The following ARID5B variants were observed in gnomAD, a reference collection of about 807,000 sequenced individuals.
ARID5B encodes AT-rich interactive domain-containing protein 5B.
In ARID5B, 13 loss-of-function variants were observed where a neutral mutation model predicts 97.2. The ratio of observed to expected loss-of-function variants is 0.13; its 90% CI spans 0.09 to 0.21. The LOEUF (loss-of-function observed/expected upper bound fraction) is 0.21, where lower values mean the gene tolerates loss of function less well. Ranked by LOEUF, ARID5B falls within the 10% of genes least tolerant of loss-of-function variation. ARID5B has a pLI of 1.00. For synonymous variants in ARID5B, 556 were observed against 570.3 expected (o/e 0.97, Z 0.36); for missense variants, 1,210 against 1,465.3 (o/e 0.83, Z 2.84).
chr10:62,086,705 A>AC (rs10651949), intron 9 of ARID5B, among the ~76,000 whole-genome samples: 20,076 of 141,674 alleles, frequency 0.14, 2,517 homozygotes, highest in African/African-American at 0.21. Context: ...AAAAAAAAAA[A>AC]AAAAAAATAT....
Position 62,092,418 on chromosome 10 carries a change from T to C in ARID5B, c.2955T>C (p.Asn985=), listed in dbSNP as rs1300679671. 1.9e-6 allele frequency: 3 copies of C among 1,614,034 alleles called. No homozygotes were observed. In the Admixed American group the frequency reaches 5.0e-5, roughly 27 times the overall value. The change falls in exon 10 of 10, where the codon AAT becomes AAC. Residue 985 remains asparagine (N), a synonymous_variant. Coordinates refer to ENST00000279873, the MANE Select transcript of ARID5B (RefSeq NM_032199.3). ...AACCTCACCATGTGAGACTGGAGAA[T>C]TTCAGGAAGATGGAAGGCATGGTCC... The part of the protein sequence containing the change: ...SGKPHHVRLE[N]FRKMEGMVHP...
At chr10:62,020,736 G>A (rs1439723593) in intron 4 of ARID5B, among the ~76,000 whole-genome samples, 2 of 152,004 alleles carry the variant, frequency 1.3e-5, no homozygotes, top group African/African-American at 2.4e-5. Context: ...CATTTCACAA[G>A]CCAACGCCAG....
intron 1 of ARID5B, 82 bp downstream of exon 1, chr10:61,901,812 C>A: frequency 1.8e-6 from 2 of 1,129,216 alleles, no homozygotes; most frequent in Non-Finnish European, 2.6e-6. Context: ...CCTCTGCACC[C>A]ACCCACACCC....
At chr10:62,069,013 C>A (rs932427084) in intron 7 of ARID5B, among the ~76,000 whole-genome samples, 2 of 152,074 alleles carry the variant, frequency 1.3e-5, no homozygotes, top group African/African-American at 4.8e-5. Flanking sequence ...TGATCAATAT[C>A]CCATTTTCTT....
At chr10:61,928,345 G>A (rs1169277093) in intron 2 of ARID5B, among the ~76,000 whole-genome samples, 1 of 152,098 alleles carries the variant, frequency 6.6e-6, no homozygotes, top group Non-Finnish European at 1.5e-5. Flanking sequence ...CTGTCACCTA[G>A]GCTGGAGTGC....
chr10:61,952,079 C>T (rs547661747), intron 3 of ARID5B, among the ~76,000 whole-genome samples: 3 of 152,240 alleles, frequency 2.0e-5, no homozygotes, highest in East Asian at 1.9e-4. Flanking sequence ...GCACACAGAA[C>T]GTTAAGACAC....
At chr10:62,039,215 G>A (rs1270677596) in intron 4 of ARID5B, among the ~76,000 whole-genome samples, 1 of 152,200 alleles carries the variant, frequency 6.6e-6, no homozygotes, top group East Asian at 1.9e-4. Context: ...CATACCAGAG[G>A]TGTGCAGATT....
chr10:61,904,783 T>C (rs1258837842), intron 2 of ARID5B, among the ~76,000 whole-genome samples: 1 of 152,256 alleles, frequency 6.6e-6, no homozygotes, highest in Non-Finnish European at 1.5e-5. Flanking sequence ...ATTGAGATAA[T>C]GACACGCCTC....
intron 2 of ARID5B, among the ~76,000 whole-genome samples, chr10:61,936,624 T>G (rs996388396): frequency 1.1e-4 from 16 of 152,084 alleles, no homozygotes; most frequent in African/African-American, 3.9e-4. Flanking sequence ...CTCAAATAAA[T>G]AAATTAATTT....
chr10:61,983,747 GAA>G, intron 3 of ARID5B, among the ~76,000 whole-genome samples: 1 of 128,064 alleles, frequency 7.8e-6, no homozygotes, highest in East Asian at 2.2e-4. Flanking sequence ...CCAAGTGCCA[GAA>G]AAAAAAAAAA....
chr10:61,907,220 C>T (rs1843722200), intron 2 of ARID5B, among the ~76,000 whole-genome samples: 1 of 143,052 alleles, frequency 7.0e-6, no homozygotes, highest in Non-Finnish European at 1.6e-5. Context: ...AAACTGTCAA[C>T]TGGATCAGCA....
intron 3 of ARID5B, among the ~76,000 whole-genome samples, chr10:61,962,399 C>T (rs1838484060): frequency 6.6e-6 from 1 of 152,208 alleles, no homozygotes; most frequent in African/African-American, 2.4e-5. Flanking sequence ...TTAGAAACAG[C>T]CTCATCATCC....
intron 4 of ARID5B, among the ~76,000 whole-genome samples, chr10:62,011,577 C>T (rs984467248): frequency 4.6e-5 from 7 of 152,272 alleles, no homozygotes; most frequent in East Asian, 3.9e-4. Context: ...AGTTTGGCCC[C>T]GCCACTCCCA....
At chr10:61,911,486 A>G (rs931132652) in intron 2 of ARID5B, among the ~76,000 whole-genome samples, 3 of 152,210 alleles carry the variant, frequency 2.0e-5, no homozygotes, top group African/African-American at 4.8e-5. Context: ...TGGTGGTAAC[A>G]TTTGCATTAG....
chr10:61,902,349 C>G lies in ARID5B; in HGVS notation c.212C>G (p.Ser71Cys). 6.2e-7 allele frequency: 1 copy of G among 1,614,134 alleles called. No individual in the cohort carries two copies. The change falls in exon 2 of 10, where the codon TCC becomes TGC. Residue 71 changes from serine to cysteine, a missense_variant. This residue lies in a region of ARID5B where 80 missense variants were observed against 133.2 expected (regional missense o/e 0.60). Coordinates refer to ENST00000279873, the MANE Select transcript of ARID5B (RefSeq NM_032199.3). ...WEERTSRQLL[S>C]SSKLYFLPED... The stretch of plus-strand genomic sequence containing the variant: ...GAGAGGACCAGCCGGCAACTTTTAT[C>G]CAGCTCTAAACTTTATTTCCTCCCA...
intron 4 of ARID5B, among the ~76,000 whole-genome samples, chr10:62,006,802 C>T (rs1263411303): frequency 2.6e-5 from 4 of 152,038 alleles, no homozygotes; most frequent in Admixed American, 6.6e-5. Flanking sequence ...GGCTAAGATT[C>T]GAGGATTTCT....
intron 2 of ARID5B, among the ~76,000 whole-genome samples, chr10:61,932,416 T>TC (rs1417088627): frequency 6.7e-6 from 1 of 149,618 alleles, no homozygotes; most frequent in Non-Finnish European, 1.5e-5. Context: ...TCTTTTTCTT[T>TC]TTTTTTTTTT....
At chr10:62,001,487 G>A (rs1269927218) in intron 4 of ARID5B, among the ~76,000 whole-genome samples, 2 of 152,150 alleles carry the variant, frequency 1.3e-5, no homozygotes, top group African/African-American at 4.8e-5. Flanking sequence ...CCAGATTCAG[G>A]TTACTCTGCT....
chr10:62,053,378 G>A (rs753060103), intron 5 of ARID5B, among the ~76,000 whole-genome samples: 3 of 152,142 alleles, frequency 2.0e-5, no homozygotes, highest in African/African-American at 4.8e-5. Flanking sequence ...GTGATTTGCC[G>A]GTCGCCATCA....
Sources: allele counts gnomAD v4.1 joint callset (sites outside exome capture counted in the v4.1 genomes callset), GRCh38; gene constraint gnomAD v4.1.1; regional missense constraint gnomAD v4.1.1; transcripts MANE v1.5; gene names NCBI Gene and HGNC (gene_info 2026-07-23, HGNC 2026-07-21).